Variants in SLC14A2 observed in about 807,000 individuals in gnomAD.
The protein encoded by SLC14A2 is urea transporter 2.
Under a neutral mutation model 104.6 loss-of-function variants are expected in SLC14A2, and 91 were observed. The observed-to-expected ratio is 0.87, with a 90% CI of 0.73 to 1.04. The LOEUF is 1.04. Among genes scored for constraint, SLC14A2 ranks in the 50% least tolerant of loss-of-function variants. The probability of loss-of-function intolerance (pLI) is 0.00; values close to 1 mark genes in which losing one functional copy is unlikely to be tolerated. For missense variants in SLC14A2, 1,189 were observed against 1,156.0 expected (o/e 1.03, Z -0.41); for synonymous variants, 476 against 466.4 (o/e 1.02, Z -0.27).
chr18:45,386,174 A>G (rs1174829526), intron 1 of SLC14A2, among the ~76,000 whole-genome samples: 1 of 152,166 alleles, frequency 6.6e-6, no homozygotes, highest in Non-Finnish European at 1.5e-5. Flanking sequence ...GTAAGTGAGG[A>G]GTCCCAGATG....
chr18:45,555,986 G>A (rs1164227047), intron 2 of SLC14A2, among the ~76,000 whole-genome samples: 3 of 152,162 alleles, frequency 2.0e-5, no homozygotes, highest in African/African-American at 7.2e-5. Flanking sequence ...CATAGACTGG[G>A]TGGCTTATAA....
At chr18:45,580,803 G>A (rs1291474126) in intron 2 of SLC14A2, among the ~76,000 whole-genome samples, 1 of 152,174 alleles carries the variant, frequency 6.6e-6, no homozygotes, top group Non-Finnish European at 1.5e-5. Flanking sequence ...GTGACAGAGG[G>A]AGAGATAAGA....
intron 1 of SLC14A2, among the ~76,000 whole-genome samples, chr18:45,358,884 C>T (rs1259721419): frequency 1.3e-5 from 2 of 152,118 alleles, no homozygotes; most frequent in South Asian, 4.1e-4. Flanking sequence ...AGCCTCTTTC[C>T]CCACAATTAA....
chr18:45,168,788 CATG>C, the SLC14A2 span: 4 of 151,734 alleles, frequency 2.6e-5, no homozygotes, highest in African/African-American at 4.8e-5. Context: ...GGGCCTGGAA[CATG>C]ATGCTCACAT....
chr18:45,240,023 AATTAGGTTG>A (rs773586461), intron 1 of SLC14A2, among the ~76,000 whole-genome samples: 4 of 151,784 alleles, frequency 2.6e-5, no homozygotes, highest in Non-Finnish European at 5.9e-5. Context: ...ATCAGTGGAC[AATTAGGTTG>A]ATTTCATGTC....
At chr18:45,516,443 G>C (rs557034419) in intron 2 of SLC14A2, among the ~76,000 whole-genome samples, 1 of 152,310 alleles carries the variant, frequency 6.6e-6, no homozygotes, top group East Asian at 1.9e-4. Flanking sequence ...GTAAAAGGAA[G>C]GTCCTAGACA....
At chr18:45,641,574 T>C (rs906769988) in intron 8 of SLC14A2, among the ~76,000 whole-genome samples, 1 of 152,204 alleles carries the variant, frequency 6.6e-6, no homozygotes, top group African/African-American at 2.4e-5. Flanking sequence ...TGTTGTAAAG[T>C]TTATAAGGAA....
rs1944334 is a variant in SLC14A2, at chr18:45,657,363, T to C, written c.1352-6422T>C. Reference sequence around the variant, plus strand: ...TTAGCTAGGAGTGGTGGCATGCGCCTGTAGTCCCAGCTACTCAGGAGGCTG... The same window carrying C: ...TTAGCTAGGAGTGGTGGCATGCGCCCGTAGTCCCAGCTACTCAGGAGGCTG... On this transcript the variant is annotated intron_variant, in intron 10 of 19. Coordinates refer to ENST00000255226, the MANE Select transcript of SLC14A2 (RefSeq NM_007163.4). Among the ~76,000 whole-genome samples, 659 of 150,748 alleles carry C rather than the reference T, an allele frequency of 4.4e-3. 2 individuals carry two copies. Among genetic ancestry groups the C allele is most frequent in the Non-Finnish European group, 7.3e-3 (494 of 67,722 alleles).
At chr18:45,255,131 C>T (rs73952816) in intron 1 of SLC14A2, among the ~76,000 whole-genome samples, 4,711 of 152,224 alleles carry the variant, frequency 0.031, 200 homozygotes, top group African/African-American at 0.095. Context: ...TTCCCATTCC[C>T]CCCGAACACA....
intron 2 of SLC14A2, among the ~76,000 whole-genome samples, chr18:45,564,451 T>A (rs1019576237): frequency 1.3e-5 from 2 of 152,154 alleles, no homozygotes; most frequent in African/African-American, 4.8e-5. Context: ...ACAGGAGTGT[T>A]CCTGGCAGCT....
At chr18:45,552,498 A>G (rs1181117405) in intron 2 of SLC14A2, among the ~76,000 whole-genome samples, 2 of 151,134 alleles carry the variant, frequency 1.3e-5, no homozygotes, top group East Asian at 1.9e-4. Context: ...CTTAGCCCAC[A>G]CTACAATGCA....
At chr18:45,584,735 G>A (rs981717144) in intron 2 of SLC14A2, among the ~76,000 whole-genome samples, 4 of 152,168 alleles carry the variant, frequency 2.6e-5, no homozygotes, top group Admixed American at 6.5e-5. Context: ...CTCTGTGTGA[G>A]CTAGAAAATT....
At chr18:45,526,858 T>G (rs1215691150) in intron 2 of SLC14A2, among the ~76,000 whole-genome samples, 6 of 151,978 alleles carry the variant, frequency 3.9e-5, no homozygotes, top group Non-Finnish European at 7.4e-5. Flanking sequence ...TGCTAAGAAA[T>G]TCACCATGAC....
At chr18:45,286,777 C>T (rs16978330) in intron 1 of SLC14A2, among the ~76,000 whole-genome samples, 28,939 of 151,860 alleles carry the variant, frequency 0.19, 4,295 homozygotes, top group African/African-American at 0.41. Context: ...ATACAGTACC[C>T]CTAAATGCTC....
intron 1 of SLC14A2, among the ~76,000 whole-genome samples, chr18:45,290,157 C>A (rs1052386026): frequency 1.3e-5 from 2 of 152,048 alleles, no homozygotes; most frequent in Admixed American, 1.3e-4. Context: ...GTTTGTTACA[C>A]AAGTATATTG....
At chr18:45,197,315 G>A in the SLC14A2 span, among the ~76,000 whole-genome samples, 1 of 152,164 alleles carries the variant, frequency 6.6e-6, no homozygotes, top group Non-Finnish European at 1.5e-5. Context: ...TGGCTCTATA[G>A]AGAGCTGCAT....
intron 2 of SLC14A2, among the ~76,000 whole-genome samples, chr18:45,594,983 T>A (rs1183904443): frequency 6.6e-6 from 1 of 152,088 alleles, no homozygotes; most frequent in Non-Finnish European, 1.5e-5. Context: ...AATGACTGCT[T>A]CCTTCTCCGG....
At chr18:45,544,572 A>G (rs977504878) in intron 2 of SLC14A2, among the ~76,000 whole-genome samples, 1 of 152,144 alleles carries the variant, frequency 6.6e-6, no homozygotes, top group African/African-American at 2.4e-5. Flanking sequence ...GAAAATACAA[A>G]GAAGCCAAAG....
chr18:45,538,435 G>T (rs983908381), intron 2 of SLC14A2, among the ~76,000 whole-genome samples: 1 of 152,178 alleles, frequency 6.6e-6, no homozygotes, highest in East Asian at 1.9e-4. Context: ...CAAGGCCACG[G>T]TCATTTCAAG....
Sources: allele counts gnomAD v4.1 joint callset (sites outside exome capture counted in the v4.1 genomes callset), GRCh38; gene constraint gnomAD v4.1.1; transcripts MANE v1.5; gene names NCBI Gene and HGNC (gene_info 2026-07-23, HGNC 2026-07-21).